PAH: variants seen among roughly 807,000 people sequenced by gnomAD.
PAH encodes the protein phenylalanine hydroxylase.
In PAH, 64 loss-of-function variants were observed where a neutral mutation model predicts 62.0. That is an observed-to-expected ratio of 1.03 (90% confidence interval 0.84 to 1.27). PAH has a LOEUF of 1.27. PAH is among the 50% of genes most tolerant of loss of function. The probability of loss-of-function intolerance (pLI) is 0.00; values close to 1 mark genes in which losing one functional copy is unlikely to be tolerated. For synonymous variants in PAH, 195 were observed against 196.2 expected (o/e 0.99, Z 0.05); for missense variants, 579 against 542.8 (o/e 1.07, Z -0.66).
intron 5 of PAH, among the ~76,000 whole-genome samples, chr12:102,866,382 G>C (rs1343312740): frequency 6.6e-6 from 1 of 152,070 alleles, no homozygotes; most frequent in East Asian, 1.9e-4. Context: ...ATTTTGTTTT[G>C]TCTAGCAGCA....
rs898245246 is a variant in PAH at position 102,864,262 on chromosome 12, G to T, written c.509+2334C>A. Among the ~76,000 whole-genome samples the T allele has an allele frequency of 1.4e-4, 22 of 152,154 alleles. 2 individuals are homozygous for T. Among genetic ancestry groups the T allele is most frequent in the Non-Finnish European group, 2.9e-5 (2 of 68,022 alleles). On this transcript the variant is annotated intron_variant, in intron 5 of 12. Transcript: ENST00000553106. Reference sequence around the variant, plus strand: ...TCTAAATGAAAACCTGAGGAGATGAGGCCTCGGTGCTTCACTCTGGAGTCT... The same window carrying T: ...TCTAAATGAAAACCTGAGGAGATGATGCCTCGGTGCTTCACTCTGGAGTCT...
At chr12:102,857,782 T>C (rs1213947231) in intron 5 of PAH, among the ~76,000 whole-genome samples, 1 of 152,112 alleles carries the variant, frequency 6.6e-6, no homozygotes, top group Non-Finnish European at 1.5e-5. Context: ...GCTGAGAGAT[T>C]TTGTCACCAC....
intron 4 of PAH, among the ~76,000 whole-genome samples, chr12:102,870,836 G>C (rs1411079814): frequency 5.3e-5 from 8 of 152,190 alleles, no homozygotes; most frequent in Non-Finnish European, 1.0e-4. Context: ...GACTAGGGGA[G>C]CACCGACCAT....
chr12:102,931,178 C>G (rs1268729138), intron 1 of PAH, among the ~76,000 whole-genome samples: 1 of 152,088 alleles, frequency 6.6e-6, no homozygotes, highest in African/African-American at 2.4e-5. Flanking sequence ...AAGACATATT[C>G]ATTTTTCTAT....
At chr12:102,949,752 A>G (rs1023240784) in intron 1 of PAH, among the ~76,000 whole-genome samples, 1 of 152,074 alleles carries the variant, frequency 6.6e-6, no homozygotes, top group Non-Finnish European at 1.5e-5. Context: ...TTTTACCTAG[A>G]TTGTGTATTT....
upstream of PAH, among the ~76,000 whole-genome samples, chr12:102,920,045 C>CA (rs1375353705): frequency 6.6e-6 from 1 of 151,954 alleles, no homozygotes; most frequent in Non-Finnish European, 1.5e-5. Context: ...AGTGGTTGTA[C>CA]AAAAATGGAA....
intron 5 of PAH, among the ~76,000 whole-genome samples, chr12:102,863,742 C>G (rs1158051066): frequency 2.0e-5 from 3 of 152,146 alleles, no homozygotes; most frequent in African/African-American, 7.2e-5. Flanking sequence ...AATCCTGGAC[C>G]TGCCTGAGCC....
chr12:102,901,300 C>G (rs899003923), intron 2 of PAH, among the ~76,000 whole-genome samples: 4 of 152,194 alleles, frequency 2.6e-5, no homozygotes, highest in Admixed American at 6.5e-5. Flanking sequence ...TTCTGCTACT[C>G]ACTACCTTTG....
intron 1 of PAH, among the ~76,000 whole-genome samples, chr12:102,930,995 A>G (rs1878850447): frequency 6.6e-6 from 1 of 152,208 alleles, no homozygotes; most frequent in South Asian, 2.1e-4. Context: ...ATTCTCTCTG[A>G]AGATAATGAA....
upstream of PAH, chr12:102,953,384 A>G (rs1159763595): frequency 6.6e-6 from 1 of 152,232 alleles, no homozygotes; most frequent in South Asian, 2.1e-4. Flanking sequence ...GAAAGCATAA[A>G]TTGGTTTTCA....
intron 3 of PAH, among the ~76,000 whole-genome samples, chr12:102,885,471 CT>C (rs1876996021): frequency 6.6e-6 from 1 of 152,172 alleles, no homozygotes; most frequent in South Asian, 2.1e-4. Context: ...TAATGAATGA[CT>C]TGGGCAGGCT....
intron 3 of PAH, among the ~76,000 whole-genome samples, chr12:102,889,569 T>TAGATAGATAGATAGAC (rs1565864427): frequency 8.5e-5 from 13 of 152,266 alleles, no homozygotes; most frequent in African/African-American, 3.1e-4. Context: ...GATAGATAGA[T>TAGATAGATAGATAGAC]AGACAGGCAG....
At chr12:102,859,614 G>A (rs1875623484) in intron 5 of PAH, among the ~76,000 whole-genome samples, 1 of 152,166 alleles carries the variant, frequency 6.6e-6, no homozygotes, top group Admixed American at 6.5e-5. Context: ...ACATCAAAAA[G>A]CTTATCCACC....
intron 2 of PAH, among the ~76,000 whole-genome samples, chr12:102,909,949 ACT>A (rs1467921456): frequency 1.3e-5 from 2 of 152,144 alleles, no homozygotes; most frequent in Non-Finnish European, 2.9e-5. Flanking sequence ...ACAGAGTAAG[ACT>A]CTGTCTCAAA....
chr12:102,904,621 G>A (rs546432067), intron 2 of PAH: 3 of 269,634 alleles, frequency 1.1e-5, no homozygotes, highest in African/African-American at 2.2e-5. Context: ...AATATTATTT[G>A]GGAAACACTG....
At chr12:102,862,779 CT>C (rs1391245043) in intron 5 of PAH, among the ~76,000 whole-genome samples, 1 of 152,136 alleles carries the variant, frequency 6.6e-6, no homozygotes, top group Non-Finnish European at 1.5e-5. Flanking sequence ...CAGATTAGGT[CT>C]TTCTTGCCCT....
upstream of PAH, among the ~76,000 whole-genome samples, chr12:102,920,582 T>C (rs145002537): frequency 1.5e-4 from 23 of 152,338 alleles, no homozygotes; most frequent in African/African-American, 4.8e-4. Context: ...AAACAAAACC[T>C]ACATGACCCT....
chr12:102,939,025 A>G (rs1388329476), intron 1 of PAH, among the ~76,000 whole-genome samples: 2 of 151,858 alleles, frequency 1.3e-5, no homozygotes, highest in African/African-American at 2.4e-5. Flanking sequence ...AAAGACCCTG[A>G]TTGCTTTGCT....
At chr12:102,878,603 C>T (rs1001811079) in intron 3 of PAH, among the ~76,000 whole-genome samples, 5 of 149,414 alleles carry the variant, frequency 3.3e-5, no homozygotes, top group African/African-American at 5.0e-5. Flanking sequence ...TTTGTTGTAC[C>T]GGGCATAAAG....
Sources: gnomAD v4.1 joint callset for allele counts (sites outside exome capture counted in the v4.1 genomes callset) on GRCh38, gnomAD v4.1.1 for gene constraint, MANE v1.5 for transcripts, NCBI Gene and HGNC (gene_info 2026-07-23, HGNC 2026-07-21) for gene names.